Variants in ARL9 observed in about 807,000 individuals in gnomAD.
ARL9 encodes ARF like GTPase 9.
ARL9 carries 14 observed loss-of-function variants against 27.0 expected under a neutral mutation model. The ratio of observed to expected loss-of-function variants is 0.52; its 90% CI spans 0.34 to 0.81. The LOEUF (loss-of-function observed/expected upper bound fraction) is 0.81. ARL9 is among the 30% of genes least tolerant of loss of function. ARL9 has a pLI of 0.01. For missense variants in ARL9, 294 were observed against 290.0 expected (o/e 1.01, Z -0.10); for synonymous variants, 106 against 108.7 (o/e 0.98, Z 0.15).
chr4:56,521,243 T>C (rs962877716), intron 3 of ARL9, among the ~76,000 whole-genome samples: 52 of 150,454 alleles, frequency 3.5e-4, no homozygotes, highest in Non-Finnish European at 7.4e-5. Context: ...AGAGAGAGGC[T>C]GATGCTTTTA....
chr4:56,515,159 CAGA>C (rs1286100631), intron 2 of ARL9, among the ~76,000 whole-genome samples: 1 of 150,826 alleles, frequency 6.6e-6, no homozygotes, highest in Non-Finnish European at 1.5e-5. Context: ...GAGGCTGAAG[CAGA>C]AGAATTGCTT....
intron 1 of ARL9, among the ~76,000 whole-genome samples, chr4:56,508,619 C>A (rs373969682): frequency 6.6e-6 from 1 of 152,204 alleles, no homozygotes; most frequent in Non-Finnish European, 1.5e-5. Flanking sequence ...CTCCTGACCT[C>A]AGGTGATCCG....
chr4:56,512,873 A>G (rs1005630265), intron 2 of ARL9, among the ~76,000 whole-genome samples: 3 of 151,862 alleles, frequency 2.0e-5, no homozygotes, highest in African/African-American at 7.3e-5. Flanking sequence ...ATGTTCCCCA[A>G]TGCTGTTTGC....
upstream of ARL9, chr4:56,505,331 C>A (rs1721418816): frequency 4.4e-6 from 2 of 455,718 alleles, no homozygotes; most frequent in Admixed American, 4.7e-5. Context: ...GCAGTACAGG[C>A]TCATGGTTGG....
At chr4:56,505,560 C>CGACA (rs1721428564), upstream of ARL9, 1 of 579,638 alleles carries the variant, frequency 1.7e-6, no homozygotes, top group Admixed American at 2.2e-5. Context: ...CCCCGCCGAA[C>CGACA]TGTCCCACGT....
At chr4:56,507,770 TC>T (rs1721507642) in intron 1 of ARL9, among the ~76,000 whole-genome samples, 1 of 151,042 alleles carries the variant, frequency 6.6e-6, no homozygotes, top group Non-Finnish European at 1.5e-5. Context: ...GGTCAGGAGT[TC>T]CAGAACAGCC....
intron 3 of ARL9, among the ~76,000 whole-genome samples, chr4:56,520,574 G>C (rs1298505964): frequency 6.6e-6 from 1 of 152,084 alleles, no homozygotes; most frequent in African/African-American, 2.4e-5. Context: ...TTTTGGAGAT[G>C]GATGGTGGTG....
At chr4:56,515,444 T>C (rs1231400110) in intron 2 of ARL9, among the ~76,000 whole-genome samples, 1 of 151,964 alleles carries the variant, frequency 6.6e-6, no homozygotes, top group Non-Finnish European at 1.5e-5. Flanking sequence ...TCAGAAAACT[T>C]TACTCCTAAA....
intron 2 of ARL9, among the ~76,000 whole-genome samples, chr4:56,512,896 GT>G: frequency 6.6e-6 from 1 of 152,004 alleles, no homozygotes; most frequent in Non-Finnish European, 1.5e-5. Context: ...TCTCCATAAG[GT>G]TTTTAATAAC....
Position 56,511,265 on chromosome 4 carries a change from A to G in ARL9, c.360A>G (p.Arg120=). ...TCCTGCACTCTCTAGCTTCAAACAGAGTCCAGCACAGTGTGGCACCCACCC... is the reference window on the plus strand; with the variant it reads ...TCCTGCACTCTCTAGCTTCAAACAGGGTCCAGCACAGTGTGGCACCCACCC... ...TSVLHSLASN[R]VQHSVAPTQG... is the part of the protein sequence containing the mutation. Residue 120 remains arginine (R), a synonymous_variant, in exon 2 of 4, where the codon AGA becomes AGG. Transcript: ENST00000640821. 6.2e-7 allele frequency: 1 copy of G among 1,613,908 alleles called. No homozygotes were observed. Among genetic ancestry groups the G allele is most frequent in the South Asian group, 1.1e-5 (1 of 91,062 alleles).
chr4:56,511,555 G>C (rs1411261319), intron 2 of ARL9, among the ~76,000 whole-genome samples: 1 of 152,152 alleles, frequency 6.6e-6, no homozygotes, highest in Non-Finnish European at 1.5e-5. Context: ...TACAGTAGTG[G>C]TGATAAAGGG....
Position 56,523,939 on chromosome 4 carries a change from G to A in ARL9, c.*63G>A, listed in dbSNP as rs751818590. On this transcript the variant is annotated 3_prime_UTR_variant, in exon 4 of 4. Coordinates refer to ENST00000640821, the MANE Select transcript of ARL9 (RefSeq NM_001363794.2). Reference sequence around the variant, plus strand: ...GTCATCAGTGTTGAATGGCAGGCTTGAAGCCAAAGGTTTCCACCTCAAATA... The same window carrying A: ...GTCATCAGTGTTGAATGGCAGGCTTAAAGCCAAAGGTTTCCACCTCAAATA... 24 of 1,455,490 alleles carry A rather than the reference G, an allele frequency of 1.6e-5. No homozygotes were observed. Among genetic ancestry groups the A allele is most frequent in the African/African-American group, 5.7e-5 (4 of 70,538 alleles). The allele number at this position is 1,455,490 out of a possible 1,614,324, so 90.2% of individuals were successfully genotyped here.
intron 3 of ARL9, among the ~76,000 whole-genome samples, chr4:56,520,980 G>A (rs1721900232): frequency 6.6e-6 from 1 of 152,132 alleles, no homozygotes; most frequent in Non-Finnish European, 1.5e-5. Flanking sequence ...GGGAGGCCGA[G>A]GTGGTTGGAT....
At chr4:56,510,480 G>A (rs893134921) in intron 1 of ARL9, among the ~76,000 whole-genome samples, 1 of 152,086 alleles carries the variant, frequency 6.6e-6, no homozygotes, top group Non-Finnish European at 1.5e-5. Context: ...GAGTGGCACA[G>A]TCAATACATG....
chr4:56,519,445 A>C (rs1392840459), intron 3 of ARL9, among the ~76,000 whole-genome samples: 1 of 152,152 alleles, frequency 6.6e-6, no homozygotes, highest in African/African-American at 2.4e-5. Flanking sequence ...CCCTGTCTCT[A>C]CTAAAATACA....
At chr4:56,507,442 G>A (rs553723925) in intron 1 of ARL9, among the ~76,000 whole-genome samples, 1 of 151,774 alleles carries the variant, frequency 6.6e-6, no homozygotes, top group South Asian at 2.1e-4. Context: ...AGCCTCCCAA[G>A]TAGCTGGGAT....
rs904788471 is a variant in ARL9 at position 56,505,829 on chromosome 4, C to T, written c.-34C>T. On this transcript the variant is annotated 5_prime_UTR_variant, in exon 1 of 4. In the 5' UTR this introduces an upstream ATG that the reference lacks. Coordinates refer to ENST00000640821, the MANE Select transcript of ARL9 (RefSeq NM_001363794.2). ...AGAGCCACCGCTCAGCACGCGGGCA[C>T]GCGGCGGGAGGGAAGGAAACCGCGG... 2 of 1,268,966 alleles carry T rather than the reference C, an allele frequency of 1.6e-6. No homozygotes were observed. Among genetic ancestry groups the T allele is most frequent in the Non-Finnish European group, 2.0e-6 (2 of 1,009,218 alleles). 78.6% of individuals were successfully genotyped at this position (1,268,966 alleles called of 1,614,324 possible). A position where few individuals can be genotyped will look rare whatever the true frequency, so the allele number is the denominator to read the frequency against.
At position 56,506,551 on chromosome 4, in the gene ARL9, GTTCT is replaced by G. The variant is rs549933254; in HGVS notation, c.279+413_279+416del. 1,465 of 923,796 alleles carry G rather than the reference GTTCT, an allele frequency of 1.6e-3. 2 individuals are homozygous for G. The highest frequency in any genetic ancestry group is 1.9e-3 in the Non-Finnish European group (1,435 of 773,910). The allele number at this position is 923,796 out of a possible 1,614,324, so 57.2% of individuals were successfully genotyped here. The stretch of plus-strand genomic sequence containing the variant: ...CGCAGGCCCTCTTTGCATTGAATGC[GTTCT>G]TTGTCAGAAGGGGCAGGGTTCCTGA... On this transcript the variant is annotated intron_variant, in intron 1 of 3. Coordinates refer to ENST00000640821, the MANE Select transcript of ARL9 (RefSeq NM_001363794.2).
At chr4:56,512,474 C>T (rs984143703) in intron 2 of ARL9, among the ~76,000 whole-genome samples, 1 of 152,014 alleles carries the variant, frequency 6.6e-6, no homozygotes, top group Non-Finnish European at 1.5e-5. Context: ...CCCTGCTCTT[C>T]CCTTGATGGC....
Sources: gnomAD v4.1 joint callset for allele counts (sites outside exome capture counted in the v4.1 genomes callset) on GRCh38, gnomAD v4.1.1 for gene constraint, MANE v1.5 for transcripts, NCBI Gene and HGNC (gene_info 2026-07-23, HGNC 2026-07-21) for gene names.